The following GABRA5 variants were observed in gnomAD, a reference collection of about 807,000 sequenced individuals.
GABRA5 encodes the protein gamma-aminobutyric acid receptor subunit alpha-5.
GABRA5 carries 18 observed loss-of-function variants against 47.3 expected under a neutral mutation model. The ratio of observed to expected loss-of-function variants is 0.38; its 90% confidence interval spans 0.26 to 0.56. The LOEUF (loss-of-function observed/expected upper bound fraction) is 0.56. Among genes scored for constraint, GABRA5 ranks in the 20% least tolerant of loss-of-function variants. The pLI is 0.71. For synonymous variants in GABRA5, 237 were observed against 229.3 expected, an observed-to-expected ratio of 1.03 and a Z score of -0.30; for missense variants, 365 against 599.3, an observed-to-expected ratio of 0.61 and a Z score of 4.08.
chr15:26,926,273 C>T (rs953548201), intron 7 of GABRA5, among the ~76,000 whole-genome samples: 5 of 152,108 alleles, frequency 3.3e-5, no homozygotes, highest in African/African-American at 9.7e-5. Context: ...ATGGATGTTA[C>T]CTCATAGCAG....
At position 26,911,371 on chromosome 15, in the gene GABRA5, G is replaced by GCACACACACACACACACA. The variant is rs111798012; in HGVS notation, c.498-3423_498-3406dup. Among the ~76,000 whole-genome samples the GCACACACACACACACACA allele has an allele frequency of 2.2e-4, 26 of 118,404 alleles. No homozygotes were observed. In the South Asian group the frequency reaches 2.2e-3, roughly 10 times the overall value. 77.7% of individuals were successfully genotyped at this position (118,404 alleles called of 152,430 possible). ...CTCCCTGCCCCCACCCTTGCTGCAT[G>GCACACACACACACACACA]CACACACACACACACACACACACAC... On this transcript the variant is annotated intron_variant, in intron 6 of 10. Transcript: ENST00000335625.
At position 26,867,292 on chromosome 15, in the gene GABRA5, G is replaced by C. The variant is rs1463933360; in HGVS notation, c.-140+181G>C. On this transcript the variant is annotated intron_variant, in intron 1 of 10. Transcript: ENST00000335625. This position sits in a 1 kb window ranked among gnomAD's most constrained non-coding sequence, Gnocchi z 5.9. ...CAGCATGGGGCGGTGACGCCGCACC[G>C]GCCTTCCGCGCCTGCCAGCCGGGCG... 6.6e-6 allele frequency: 1 copy of C among 151,672 alleles called. No homozygotes were observed. The highest frequency in any genetic ancestry group is 1.5e-5 in the Non-Finnish European group (1 of 67,898). 9.4% of individuals were successfully genotyped at this position (151,672 alleles called of 1,614,324 possible).
intron 6 of GABRA5, among the ~76,000 whole-genome samples, chr15:26,893,431 GT>G (rs1893089542): frequency 1.3e-5 from 2 of 151,298 alleles, no homozygotes; most frequent in South Asian, 2.1e-4. Context: ...TGTATGGTGT[GT>G]GGCGTGTGTG....
At chr15:26,912,090 C>T (rs1327502660) in intron 6 of GABRA5, among the ~76,000 whole-genome samples, 3 of 152,122 alleles carry the variant, frequency 2.0e-5, no homozygotes, top group South Asian at 2.1e-4. Flanking sequence ...GTGTGAGCCC[C>T]GCGTGTTCCT....
chr15:26,894,975 G>A (rs139620902), intron 6 of GABRA5, among the ~76,000 whole-genome samples: 3,246 of 145,738 alleles, frequency 0.022, 122 homozygotes, highest in African/African-American at 0.078. Context: ...CTCCTTGGGC[G>A]CCCCCTCTTA....
intron 6 of GABRA5, among the ~76,000 whole-genome samples, chr15:26,903,547 G>C (rs935886617): frequency 3.3e-5 from 5 of 152,038 alleles, no homozygotes; most frequent in African/African-American, 9.7e-5. Flanking sequence ...TTCCACAATG[G>C]TTGAACTAAT....
At chr15:26,933,688 C>G (rs1566885131) in intron 7 of GABRA5, among the ~76,000 whole-genome samples, 1 of 152,116 alleles carries the variant, frequency 6.6e-6, no homozygotes, top group African/African-American at 2.4e-5. Flanking sequence ...TTCACTGGTA[C>G]CTGGGCAGAC....
chr15:26,936,193 G>A (rs1344708399), intron 7 of GABRA5, among the ~76,000 whole-genome samples: 1 of 152,154 alleles, frequency 6.6e-6, no homozygotes, highest in African/African-American at 2.4e-5. Context: ...CCAGCCATGT[G>A]GAACTGTGAG....
intron 10 of GABRA5, among the ~76,000 whole-genome samples, chr15:26,944,998 C>G (rs962765114): frequency 6.6e-6 from 1 of 152,162 alleles, no homozygotes; most frequent in Non-Finnish European, 1.5e-5. Context: ...CCTCCTGTGG[C>G]GGCTGATCTA....
At chr15:26,899,998 T>C (rs1893288523) in intron 6 of GABRA5, among the ~76,000 whole-genome samples, 1 of 152,134 alleles carries the variant, frequency 6.6e-6, no homozygotes, top group South Asian at 2.1e-4. Flanking sequence ...GTTTAATTGA[T>C]GTTTTTTAGC....
chr15:26,944,621 G>T lies in GABRA5; in HGVS notation c.1089+1195G>T, dbSNP rs12438610. On this transcript the variant is annotated intron_variant, in intron 10 of 10. Coordinates refer to ENST00000335625, the MANE Select transcript of GABRA5 (RefSeq NM_000810.4). ...GGCTGGGAGCAGGCTGTTCTCAGAC[G>T]ATAGAGGTTCTTGGCCGACACGTTT... is the stretch of plus-strand genomic sequence containing the variant. Among the ~76,000 whole-genome samples, 1,020 of 152,316 alleles carry T rather than the reference G, an allele frequency of 6.7e-3. 5 individuals are homozygous for T. Among genetic ancestry groups the T allele is most frequent in the Non-Finnish European group, 9.5e-3 (649 of 68,032 alleles).
rs568807994 is a variant in GABRA5 at position 26,903,807 on chromosome 15, G to GT, written c.498-10987dup. On this transcript the variant is annotated intron_variant, in intron 6 of 10. Transcript: ENST00000335625. ...TGCTCGCTTTTTAACAGGATGTTTT[G>GT]TTTTTTTTTCTTGTAAGTTTGTTTA... Among the ~76,000 whole-genome samples, 646 of 149,570 alleles carry GT rather than the reference G, an allele frequency of 4.3e-3. 2 individuals are homozygous for GT. The highest frequency in any genetic ancestry group is 7.6e-3 in the Non-Finnish European group (512 of 67,204).
chr15:26,906,002 T>C (rs113891365), intron 6 of GABRA5, among the ~76,000 whole-genome samples: 2,719 of 152,218 alleles, frequency 0.018, 81 homozygotes, highest in African/African-American at 0.063. Context: ...TTTCATTCAT[T>C]TATTTTTCCC....
chr15:26,874,910 G>A (rs1046199468), intron 3 of GABRA5, among the ~76,000 whole-genome samples: 8 of 152,214 alleles, frequency 5.3e-5, no homozygotes, highest in African/African-American at 1.7e-4. Flanking sequence ...TATTTAGGAT[G>A]GCATTAAGTG....
intron 6 of GABRA5, among the ~76,000 whole-genome samples, chr15:26,887,401 C>G (rs1892904555): frequency 6.6e-6 from 1 of 152,102 alleles, no homozygotes; most frequent in Admixed American, 6.5e-5. Context: ...GTGATCTCGG[C>G]TCATTGCAAC....
intron 6 of GABRA5, among the ~76,000 whole-genome samples, chr15:26,885,754 G>A (rs1327403872): frequency 2.6e-5 from 4 of 152,102 alleles, no homozygotes; most frequent in Admixed American, 2.0e-4. Context: ...GGAGAGAAGC[G>A]AGTGCAGTCT....
At chr15:26,940,346 C>G (rs531213285) in intron 9 of GABRA5, among the ~76,000 whole-genome samples, 19 of 152,170 alleles carry the variant, frequency 1.2e-4, no homozygotes, top group African/African-American at 4.6e-4. Context: ...ACATTGCCAG[C>G]ATGTATCTGT....
Position 26,883,584 on chromosome 15 carries a change from G to C in GABRA5, c.497+27G>C. 1.7e-6 allele frequency: 2 copies of C among 1,176,676 alleles called. No homozygotes were observed. The highest frequency in any genetic ancestry group is 1.2e-6 in the Non-Finnish European group (1 of 814,984). The allele number at this position is 1,176,676 out of a possible 1,614,324, so 72.9% of individuals were successfully genotyped here. ...TGAGCGCCGGGCGGGGGCGGGCGGG[G>C]CCGGGGGACGGTGCGGGGCAGGCGC... On this transcript the variant is annotated intron_variant, in intron 6 of 10. Transcript: ENST00000335625. This position sits in a 1 kb window ranked among gnomAD's most constrained non-coding sequence, Gnocchi z 4.8.
At chr15:26,888,421 G>A (rs1239122165) in intron 6 of GABRA5, among the ~76,000 whole-genome samples, 1 of 152,224 alleles carries the variant, frequency 6.6e-6, no homozygotes, top group African/African-American at 2.4e-5. Flanking sequence ...GTCACTCCAA[G>A]GAAGCTCAGA....
Sources: gnomAD v4.1 joint callset for allele counts (sites outside exome capture counted in the v4.1 genomes callset) on GRCh38, gnomAD v4.1.1 for gene constraint, Gnocchi (gnomAD v3.1) non-coding constraint, MANE v1.5 for transcripts, NCBI Gene and HGNC (gene_info 2026-07-23, HGNC 2026-07-21) for gene names.